KPNA3: variants seen among roughly 807,000 people sequenced by gnomAD.
KPNA3 encodes karyopherin subunit alpha 3.
In KPNA3, 13 loss-of-function variants were observed where a neutral mutation model predicts 73.8. The ratio of observed to expected loss-of-function variants is 0.18; its 90% confidence interval spans 0.11 to 0.28. KPNA3 has a LOEUF of 0.28. Ranked by LOEUF, KPNA3 falls within the 10% of genes least tolerant of loss-of-function variation. The pLI is 1.00. For missense variants in KPNA3, 360 were observed against 618.1 expected, an observed-to-expected ratio of 0.58 and a Z score of 4.43; for synonymous variants, 186 against 206.9, an observed-to-expected ratio of 0.90 and a Z score of 0.87.
intron 2 of KPNA3, among the ~76,000 whole-genome samples, chr13:49,743,652 G>T (rs1318035545): frequency 6.6e-6 from 1 of 151,222 alleles, no homozygotes; most frequent in Non-Finnish European, 1.5e-5. Context: ...TGACATGCAA[G>T]AATTTTTAGT....
intron 15 of KPNA3, among the ~76,000 whole-genome samples, chr13:49,704,638 G>T (rs1427205177): frequency 5.9e-5 from 9 of 151,906 alleles, no homozygotes; most frequent in Admixed American, 5.9e-4. Flanking sequence ...CTAATTTAAG[G>T]TTTAAACATG....
intron 11 of KPNA3, 42 bp from the exon 12 acceptor site, chr13:49,709,742 A>G (rs776673475): frequency 7.0e-6 from 11 of 1,580,330 alleles, no homozygotes; most frequent in East Asian, 6.8e-5. Flanking sequence ...TTATTTGCTT[A>G]TAAGACTAAT....
At chr13:49,761,390 C>T (rs376993479) in intron 1 of KPNA3, among the ~76,000 whole-genome samples, 39 of 151,154 alleles carry the variant, frequency 2.6e-4, no homozygotes, top group Non-Finnish European at 4.6e-4. Flanking sequence ...AGGCGCACAC[C>T]GCCACGCCTG....
chr13:49,703,678 G>C (rs889503273), intron 15 of KPNA3, among the ~76,000 whole-genome samples: 4 of 152,036 alleles, frequency 2.6e-5, no homozygotes, highest in Non-Finnish European at 5.9e-5. Flanking sequence ...ATGAACCTGG[G>C]AGAAAATATT....
At chr13:49,737,864 C>T (rs1954538744) in intron 2 of KPNA3, among the ~76,000 whole-genome samples, 1 of 152,154 alleles carries the variant, frequency 6.6e-6, no homozygotes, top group Non-Finnish European at 1.5e-5. Flanking sequence ...CTTCCAATAT[C>T]TAACTTGTCT....
At chr13:49,749,501 C>G (rs1339357833) in intron 1 of KPNA3, among the ~76,000 whole-genome samples, 1 of 152,166 alleles carries the variant, frequency 6.6e-6, no homozygotes, top group Non-Finnish European at 1.5e-5. Flanking sequence ...GTTTCTGTGT[C>G]TAGAAACCCC....
intron 1 of KPNA3, among the ~76,000 whole-genome samples, chr13:49,784,543 T>C (rs1954966671): frequency 6.6e-6 from 1 of 152,180 alleles, no homozygotes; most frequent in African/African-American, 2.4e-5. Flanking sequence ...GATGAATGGG[T>C]AAACAAAATG....
chr13:49,749,561 A>C (rs1954645205), intron 1 of KPNA3, among the ~76,000 whole-genome samples: 1 of 152,154 alleles, frequency 6.6e-6, no homozygotes, highest in South Asian at 2.1e-4. Context: ...ACCTAATCCT[A>C]GTCAGAACAT....
chr13:49,786,457 T>C (rs1954983255), intron 1 of KPNA3, among the ~76,000 whole-genome samples: 1 of 152,198 alleles, frequency 6.6e-6, no homozygotes, highest in African/African-American at 2.4e-5. Context: ...CCAAGTATAC[T>C]GTAAGTCAGG....
At chr13:49,738,650 T>C (rs1345451588) in intron 2 of KPNA3, among the ~76,000 whole-genome samples, 1 of 152,246 alleles carries the variant, frequency 6.6e-6, no homozygotes, top group African/African-American at 2.4e-5. Flanking sequence ...GGTTTCTGCA[T>C]GTTCAGCATA....
chr13:49,774,622 CCAAAA>C (rs1954881729), intron 1 of KPNA3, among the ~76,000 whole-genome samples: 1 of 152,032 alleles, frequency 6.6e-6, no homozygotes, highest in Non-Finnish European at 1.5e-5. Flanking sequence ...TACTATGTTA[CCAAAA>C]CAAAAGAAAA....
chr13:49,781,530 A>C (rs1312340280), intron 1 of KPNA3, among the ~76,000 whole-genome samples: 2 of 152,226 alleles, frequency 1.3e-5, no homozygotes, highest in African/African-American at 4.8e-5. Flanking sequence ...ATTACTGGTT[A>C]TCATTATTTT....
At chr13:49,732,831 T>C (rs939741792) in intron 3 of KPNA3, 55 bp from the exon 4 acceptor site, 15 of 1,415,666 alleles carry the variant, frequency 1.1e-5, no homozygotes, top group Admixed American at 9.8e-5. Context: ...ATTACATTCA[T>C]TAAACAGTGT....
intron 7 of KPNA3, among the ~76,000 whole-genome samples, chr13:49,722,830 TAAAA>T (rs10693298): frequency 2.5e-5 from 2 of 79,650 alleles, no homozygotes; most frequent in African/African-American, 4.9e-5. Flanking sequence ...TATAATCCAT[TAAAA>T]AAAAAAAAAA....
chr13:49,742,534 T>A (rs997306988), intron 2 of KPNA3, among the ~76,000 whole-genome samples: 2 of 152,190 alleles, frequency 1.3e-5, no homozygotes, highest in African/African-American at 4.8e-5. Flanking sequence ...GATTTTCATA[T>A]CAGGTAGTGT....
chr13:49,778,654 TG>T (rs1313996133), intron 1 of KPNA3, among the ~76,000 whole-genome samples: 4 of 152,228 alleles, frequency 2.6e-5, no homozygotes, highest in African/African-American at 9.6e-5. Flanking sequence ...TTTTTGTTGT[TG>T]TTTTTTCTGA....
intron 1 of KPNA3, among the ~76,000 whole-genome samples, chr13:49,780,462 C>T (rs1954932239): frequency 6.6e-6 from 1 of 152,110 alleles, no homozygotes; most frequent in African/African-American, 2.4e-5. Context: ...AGTCAGGCCA[C>T]CCATCTGAGA....
rs1159965706 is a variant in KPNA3 at position 49,722,534 on chromosome 13, G to A, written c.499C>T (p.Arg167Cys). Reference protein sequence around the residue: ...NAVPLFLRLLRSPHQNVCEQA... With the variant: ...NAVPLFLRLLCSPHQNVCEQA... Reference sequence around the variant, plus strand: ...TCACAAACATTCTGATGTGGTGAACGAAGAAGTCTCAGAAAAAGAGGTACT... The same window carrying A: ...TCACAAACATTCTGATGTGGTGAACAAAGAAGTCTCAGAAAAAGAGGTACT... The change falls in exon 8 of 17, where the codon CGT (arginine) becomes TGT (cysteine). Residue 167 changes from arginine to cysteine, a missense_variant. By Grantham distance (180) the Arg-to-Cys change is radical. Coordinates refer to ENST00000261667, the MANE Select transcript of KPNA3 (RefSeq NM_002267.4). 6.8e-6 allele frequency: 11 copies of A among 1,610,238 alleles called. No homozygotes were observed. The highest frequency in any genetic ancestry group is 3.3e-4 in the Middle Eastern group (2 of 6,058).
chr13:49,721,647 G>A (rs1954359674), intron 9 of KPNA3, among the ~76,000 whole-genome samples: 1 of 151,944 alleles, frequency 6.6e-6, no homozygotes, highest in South Asian at 2.1e-4. Context: ...GTGAAACCCC[G>A]TCTGTACTAA....
Sources: gnomAD v4.1 joint callset for allele counts (sites outside exome capture counted in the v4.1 genomes callset) on GRCh38, gnomAD v4.1.1 for gene constraint, MANE v1.5 for transcripts, NCBI Gene and HGNC (gene_info 2026-07-23, HGNC 2026-07-21) for gene names.